Variants in TRABD observed in about 807,000 individuals in gnomAD.
The protein encoded by TRABD is TraB domain containing.
TRABD carries 23 observed loss-of-function variants against 39.6 expected under a neutral mutation model. The ratio of observed to expected loss-of-function variants is 0.58; its 90% CI spans 0.42 to 0.82. The LOEUF (loss-of-function observed/expected upper bound fraction) is 0.82, where lower values mean the gene tolerates loss of function less well. Ranked by LOEUF, TRABD falls within the 40% of genes least tolerant of loss-of-function variation. The pLI, the probability that TRABD is intolerant of heterozygous loss-of-function variation, is 0.00. For synonymous variants in TRABD, 243 were observed against 232.1 expected (o/e 1.05, Z -0.43); for missense variants, 487 against 544.9 (o/e 0.89, Z 1.06).
chr22:50,187,877 G>A lies in TRABD; in HGVS notation c.-35+1901G>A, dbSNP rs993132630. ...CGCCTGTAGTCCCAGCTACTCGGGA[G>A]GCTGAGGCAGGAGAATGGCGTGAAC... On this transcript the variant is annotated intron_variant, in intron 1 of 9. Coordinates refer to ENST00000380909, the MANE Select transcript of TRABD (RefSeq NM_001320485.2). Among the ~76,000 whole-genome samples the A allele has an allele frequency of 1.2e-4, 18 of 152,156 alleles. 1 individual carries two copies. Among genetic ancestry groups the A allele is most frequent in the Admixed American group, 9.2e-4 (14 of 15,270 alleles).
chr22:50,193,557 C>A lies in TRABD; in HGVS notation c.34-19C>A, dbSNP rs767187922. ...TGGGGTGCATGGACCCTGACTTGAACTCTCCTTTCCACCTGCAGGCCAACG... is the reference window on the plus strand; with the variant it reads ...TGGGGTGCATGGACCCTGACTTGAAATCTCCTTTCCACCTGCAGGCCAACG... On this transcript the variant is annotated intron_variant, in intron 2 of 9. Coordinates refer to ENST00000380909, the MANE Select transcript of TRABD (RefSeq NM_001320485.2). 6.2e-7 allele frequency: 1 copy of A among 1,613,194 alleles called. No individual in the cohort carries two copies. Among genetic ancestry groups the A allele is most frequent in the Non-Finnish European group, 8.5e-7 (1 of 1,179,474 alleles).
intron 5 of TRABD, 176 bp from the exon 6 acceptor site, chr22:50,197,065 G>T (rs973054915): frequency 3.2e-6 from 2 of 621,104 alleles, no homozygotes; most frequent in Admixed American, 2.9e-5. Flanking sequence ...CCCTGCTCTG[G>T]TCTGACCCTC....
Position 50,199,410 on chromosome 22 carries a change from G to T in TRABD, c.*891G>T. ...TGCCCGGCGGCCGTCTGTGTGCGGGGCCTCCCTCCTGGCTGTCCAGGACAC... is the reference window on the plus strand; with the variant it reads ...TGCCCGGCGGCCGTCTGTGTGCGGGTCCTCCCTCCTGGCTGTCCAGGACAC... On this transcript the variant is annotated 3_prime_UTR_variant, in exon 10 of 10. Transcript: ENST00000380909. The T allele has an allele frequency of 2.9e-6, 1 of 347,492 alleles. No individual in the cohort carries two copies. The highest frequency in any genetic ancestry group is 4.1e-5 in the South Asian group (1 of 24,164). The allele number at this position is 347,492 out of a possible 1,614,324, so 21.5% of individuals were successfully genotyped here.
In TRABD at chr22:50,199,384, C is replaced by G; in HGVS notation, c.*865C>G. On this transcript the variant is annotated 3_prime_UTR_variant, in exon 10 of 10. Coordinates refer to ENST00000380909, the MANE Select transcript of TRABD (RefSeq NM_001320485.2). The stretch of plus-strand genomic sequence containing the variant: ...GCCAGGCCTGTCCCGCTCAGGCCCC[C>G]TGCCCGGCGGCCGTCTGTGTGCGGG... The G allele has an allele frequency of 2.6e-6, 1 of 389,650 alleles. No individual in the cohort carries two copies. Among genetic ancestry groups the G allele is most frequent in the South Asian group, 3.6e-5 (1 of 27,472 alleles). 24.1% of individuals were successfully genotyped at this position (389,650 alleles called of 1,614,324 possible). A position where few individuals can be genotyped will look rare whatever the true frequency, so the allele number is the denominator to read the frequency against.
Position 50,194,332 on chromosome 22 carries a change from T to G in TRABD, c.113-8T>G. 6.2e-7 allele frequency: 1 copy of G among 1,610,572 alleles called. No homozygotes were observed. The highest frequency in any genetic ancestry group is 2.2e-5 in the East Asian group (1 of 44,826). ...CCGGCACCACAACGGCCTGTGCTGC[T>G]GTTGCAGCCGACGTGGACGCCTTCA... On this transcript the variant is annotated splice_region_variant and splice_polypyrimidine_tract_variant and intron_variant, in intron 3 of 9. Coordinates refer to ENST00000380909, the MANE Select transcript of TRABD (RefSeq NM_001320485.2).
rs747242729 is a variant in TRABD, at chr22:50,198,440, G to A, written c.1052G>A (p.Arg351His). ...LLGYSLYWMG[R>H]RTASLVLSLP... ...GGCTACAGCCTGTACTGGATGGGCC[G>A]CCGCACCGCGAGCCTGGTCCTGTCG... is the stretch of plus-strand genomic sequence containing the variant. Residue 351 changes from arginine to histidine, a missense_variant, in exon 10 of 10, where the codon CGC becomes CAC. Arg to His is a conservative substitution (Grantham distance 29). Around this residue, in one of 3 missense-constraint regions of TRABD, gnomAD observed 123 missense variants for 108.3 expected, o/e 1.14. Transcript: ENST00000380909. The surrounding 1 kb of genome is among the most constrained non-coding windows in gnomAD (Gnocchi z 7.9). 1.2e-5 allele frequency: 19 copies of A among 1,593,734 alleles called. No individual in the cohort carries two copies. The Middle Eastern group carries it at 6.6e-4, about 56-fold the overall frequency.
intron 5 of TRABD, among the ~76,000 whole-genome samples, chr22:50,195,630 T>C (rs2064076265): frequency 6.6e-6 from 1 of 151,926 alleles, no homozygotes; most frequent in South Asian, 2.1e-4. Context: ...ACCTGGCTAA[T>C]TTTTTGTATT....
At chr22:50,197,764 G>GCCCCC in intron 7 of TRABD, 59 bp from the exon 8 acceptor site, 4 of 1,284,794 alleles carry the variant, frequency 3.1e-6, no homozygotes, top group Non-Finnish European at 4.5e-6. Context: ...CACAGTGCCA[G>GCCCCC]CCCCACCCCC....
chr22:50,197,653 T>A, intron 7 of TRABD, 65 bp downstream of exon 7: 2 of 1,595,728 alleles, frequency 1.3e-6, no homozygotes, highest in Non-Finnish European at 1.7e-6. Flanking sequence ...CAGGCCCTCC[T>A]GTGCAGGTCC....
rs1203561385 is a variant in TRABD, at chr22:50,194,379, T to A, written c.152T>A (p.Leu51Gln). Residue 51 changes from leucine to glutamine, a missense_variant, in exon 4 of 10, where the codon CTG becomes CAG. By Grantham distance (113) the Leu-to-Gln change is moderately radical. This residue lies in a region of TRABD where 358 missense variants were observed against 414.7 expected (regional missense o/e 0.86). Coordinates refer to ENST00000380909, the MANE Select transcript of TRABD (RefSeq NM_001320485.2). ...DAFNLLLEMK[L>Q]KRRRQRPNLP... ...TTCAACCTGCTCCTGGAGATGAAGC[T>A]GAAGCGGCGGCGTCAGCGGCCCAAC... is the stretch of plus-strand genomic sequence containing the variant. 6.2e-7 allele frequency: 1 copy of A among 1,612,964 alleles called. No homozygotes were observed. The highest frequency in any genetic ancestry group is 8.5e-7 in the Non-Finnish European group (1 of 1,179,832).
intron 1 of TRABD, among the ~76,000 whole-genome samples, chr22:50,188,511 A>C (rs1202297707): frequency 6.6e-6 from 1 of 152,194 alleles, no homozygotes; most frequent in African/African-American, 2.4e-5. Flanking sequence ...GTTGCCATGC[A>C]GCCTCCTGGC....
rs979903714 is a variant in TRABD at position 50,199,406 on chromosome 22, C to T, written c.*887C>T. 4 of 348,970 alleles carry T rather than the reference C, an allele frequency of 1.1e-5. No individual in the cohort carries two copies. The highest frequency in any genetic ancestry group is 4.3e-5 in the African/African-American group (2 of 46,806). The allele number at this position is 348,970 out of a possible 1,614,324, so 21.6% of individuals were successfully genotyped here. On this transcript the variant is annotated 3_prime_UTR_variant, in exon 10 of 10. Transcript: ENST00000380909. ...CCCCTGCCCGGCGGCCGTCTGTGTGCGGGGCCTCCCTCCTGGCTGTCCAGG... is the reference window on the plus strand; with the variant it reads ...CCCCTGCCCGGCGGCCGTCTGTGTGTGGGGCCTCCCTCCTGGCTGTCCAGG...
At chr22:50,190,083 G>A (rs2063856384) in intron 1 of TRABD, among the ~76,000 whole-genome samples, 2 of 152,232 alleles carry the variant, frequency 1.3e-5, no homozygotes, top group African/African-American at 2.4e-5. Context: ...GGGCCTTGGC[G>A]AGGAGGGAAA....
chr22:50,198,731 C>A lies in TRABD; in HGVS notation c.*212C>A. On this transcript the variant is annotated 3_prime_UTR_variant, in exon 10 of 10. Coordinates refer to ENST00000380909, the MANE Select transcript of TRABD (RefSeq NM_001320485.2). The surrounding 1 kb of genome is among the most constrained non-coding windows in gnomAD (Gnocchi z 7.9). Reference sequence around the variant, plus strand: ...GTCTGAGCTCAGGCCTCCCGGCAGCCCCTCCCCTCCCACACTGCAGGGGCC... The same window carrying A: ...GTCTGAGCTCAGGCCTCCCGGCAGCACCTCCCCTCCCACACTGCAGGGGCC... The A allele has an allele frequency of 1.8e-6, 1 of 563,972 alleles. No individual in the cohort carries two copies. Among genetic ancestry groups the A allele is most frequent in the Non-Finnish European group, 3.1e-6 (1 of 325,452 alleles). The allele number at this position is 563,972 out of a possible 1,614,324, so 34.9% of individuals were successfully genotyped here.
intron 1 of TRABD, 42 bp from the exon 2 acceptor site, chr22:50,192,984 TG>T: frequency 1.3e-6 from 2 of 1,517,098 alleles, no homozygotes. Flanking sequence ...GAGCCAGGTC[TG>T]GGGCTCCAGG....
chr22:50,196,999 G>C (rs763054246), intron 5 of TRABD: 11 of 524,324 alleles, frequency 2.1e-5, no homozygotes, highest in Non-Finnish European at 3.7e-5. Context: ...CACCCGGCCC[G>C]TGAAGGTCTT....
chr22:50,195,653 G>A (rs767668326), intron 5 of TRABD, among the ~76,000 whole-genome samples: 12 of 151,686 alleles, frequency 7.9e-5, no homozygotes, highest in Non-Finnish European at 1.2e-4. Flanking sequence ...TAGTAGAGAC[G>A]GGGTTTCACC....
chr22:50,190,430 C>G (rs886866479), intron 1 of TRABD, among the ~76,000 whole-genome samples: 1 of 152,166 alleles, frequency 6.6e-6, no homozygotes, highest in Non-Finnish European at 1.5e-5. Context: ...TACCCTAGGC[C>G]GGCCTCAGAG....
chr22:50,187,079 G>C (rs2063778366), intron 1 of TRABD, among the ~76,000 whole-genome samples: 1 of 152,240 alleles, frequency 6.6e-6, no homozygotes, highest in African/African-American at 2.4e-5. Flanking sequence ...CGCCGCCCTT[G>C]CAGTGTGACT....
Sources: gnomAD v4.1 joint callset for allele counts (sites outside exome capture counted in the v4.1 genomes callset) on GRCh38, gnomAD v4.1.1 for gene constraint, gnomAD v4.1.1 regional missense constraint, Gnocchi (gnomAD v3.1) non-coding constraint, MANE v1.5 for transcripts, NCBI Gene and HGNC (gene_info 2026-07-23, HGNC 2026-07-21) for gene names.